PPARGC1A: variants seen among roughly 807,000 people sequenced by gnomAD.
The protein encoded by PPARGC1A is PPARG coactivator 1 alpha.
PPARGC1A carries 25 observed loss-of-function variants against 88.7 expected under a neutral mutation model. The ratio of observed to expected loss-of-function variants is 0.28; its 90% CI spans 0.21 to 0.39. The LOEUF (loss-of-function observed/expected upper bound fraction) is 0.39. Ranked by LOEUF, PPARGC1A falls within the 10% of genes least tolerant of loss-of-function variation. PPARGC1A has a pLI of 1.00. For missense variants in PPARGC1A, 880 were observed against 968.7 expected (o/e 0.91, Z 1.22); for synonymous variants, 363 against 355.6 (o/e 1.02, Z -0.24).
At chr4:23,971,879 C>G in the PPARGC1A span, among the ~76,000 whole-genome samples, 2 of 152,168 alleles carry the variant, frequency 1.3e-5, no homozygotes, top group Non-Finnish European at 2.9e-5. Context: ...ACCCCCAGAC[C>G]ATGTGTTTCA....
the PPARGC1A span, among the ~76,000 whole-genome samples, chr4:24,177,163 C>T: frequency 4.6e-5 from 7 of 152,170 alleles, no homozygotes; most frequent in African/African-American, 2.4e-5. Flanking sequence ...AAGACACATG[C>T]ACACATATGT....
chr4:24,332,309 C>T, the PPARGC1A span, among the ~76,000 whole-genome samples: 3 of 151,876 alleles, frequency 2.0e-5, no homozygotes, highest in Non-Finnish European at 4.4e-5. Context: ...GGTCGAGGAG[C>T]CTCTAGGATG....
rs1039173993 is a variant in PPARGC1A, at chr4:23,817,576, C to T, written c.878-2971G>A. On this transcript the variant is annotated intron_variant, in intron 7 of 12. Coordinates refer to ENST00000264867, the MANE Select transcript of PPARGC1A (RefSeq NM_013261.5). ...AAACACCCAGAGACCATCAAATATG[C>T]CCTGTGAGTAAAAATATAAGGGCTG... Among the ~76,000 whole-genome samples, 6 of 152,108 alleles carry T rather than the reference C, an allele frequency of 3.9e-5. No individual in the cohort carries two copies. The East Asian group carries it at 1.2e-3, about 30-fold the overall frequency.
the PPARGC1A span, among the ~76,000 whole-genome samples, chr4:23,961,467 T>C: frequency 6.6e-6 from 1 of 152,190 alleles, no homozygotes; most frequent in African/African-American, 2.4e-5. Flanking sequence ...TCGCCCCTGC[T>C]TCCCTGCACA....
the PPARGC1A span, among the ~76,000 whole-genome samples, chr4:24,321,551 A>G: frequency 6.6e-6 from 1 of 152,218 alleles, no homozygotes; most frequent in African/African-American, 2.4e-5. Flanking sequence ...TCTGACTTTA[A>G]TTTCTTCGCA....
At chr4:24,025,586 C>T in the PPARGC1A span, among the ~76,000 whole-genome samples, 3 of 152,042 alleles carry the variant, frequency 2.0e-5, no homozygotes, top group Non-Finnish European at 2.9e-5. Flanking sequence ...TTTAGAGCTG[C>T]CTGTCACCTC....
At chr4:24,317,806 C>T in the PPARGC1A span, among the ~76,000 whole-genome samples, 4 of 152,064 alleles carry the variant, frequency 2.6e-5, no homozygotes, top group Non-Finnish European at 4.4e-5. Flanking sequence ...TTCAAAGCAC[C>T]TACCAAGACG....
the PPARGC1A span, among the ~76,000 whole-genome samples, chr4:24,435,269 G>A: frequency 6.6e-6 from 1 of 152,096 alleles, no homozygotes; most frequent in African/African-American, 2.4e-5. Context: ...ATCACCGAGG[G>A]CCCAGCAAGA....
chr4:24,340,865 G>C, the PPARGC1A span, among the ~76,000 whole-genome samples: 1 of 152,008 alleles, frequency 6.6e-6, no homozygotes, highest in East Asian at 1.9e-4. Context: ...TCATCCACCC[G>C]CCACTCCCAC....
At chr4:23,948,126 C>T in the PPARGC1A span, among the ~76,000 whole-genome samples, 2 of 152,142 alleles carry the variant, frequency 1.3e-5, no homozygotes, top group African/African-American at 4.8e-5. Flanking sequence ...AATGACTGCT[C>T]TTCTTTTACT....
the PPARGC1A span, among the ~76,000 whole-genome samples, chr4:23,930,788 A>C: frequency 6.6e-6 from 1 of 152,220 alleles, no homozygotes; most frequent in Non-Finnish European, 1.5e-5. Flanking sequence ...CAGTGCACTC[A>C]GTGATGCCTT....
At chr4:24,212,282 G>A in the PPARGC1A span, among the ~76,000 whole-genome samples, 2 of 152,086 alleles carry the variant, frequency 1.3e-5, no homozygotes, top group African/African-American at 4.8e-5. Flanking sequence ...AACATTCTAG[G>A]TGCTGAAAGA....
At chr4:24,173,192 C>T in the PPARGC1A span, among the ~76,000 whole-genome samples, 2 of 152,156 alleles carry the variant, frequency 1.3e-5, no homozygotes, top group Admixed American at 1.3e-4. Context: ...GAAATTCTGA[C>T]ATTGTTGAAG....
the PPARGC1A span, among the ~76,000 whole-genome samples, chr4:24,252,037 C>A: frequency 6.6e-6 from 1 of 151,658 alleles, no homozygotes. Flanking sequence ...CTGTCTTTTC[C>A]CCCTGTTATT....
chr4:23,965,432 G>A, the PPARGC1A span, among the ~76,000 whole-genome samples: 1 of 152,176 alleles, frequency 6.6e-6, no homozygotes, highest in Non-Finnish European at 1.5e-5. Context: ...AGTCTTTAGT[G>A]AAAGCATAAT....
chr4:24,306,060 T>G, the PPARGC1A span, among the ~76,000 whole-genome samples: 3 of 152,028 alleles, frequency 2.0e-5, no homozygotes, highest in African/African-American at 7.2e-5. Flanking sequence ...TATCTATGAG[T>G]TACGAGAACA....
chr4:24,163,663 A>G, the PPARGC1A span, among the ~76,000 whole-genome samples: 3 of 152,248 alleles, frequency 2.0e-5, no homozygotes, highest in African/African-American at 7.2e-5. Flanking sequence ...ATGACGCTAT[A>G]GCAATACTGA....
chr4:23,956,868 T>A, the PPARGC1A span, among the ~76,000 whole-genome samples: 1 of 152,114 alleles, frequency 6.6e-6, no homozygotes, highest in Non-Finnish European at 1.5e-5. Context: ...AAAGTCTTGT[T>A]AACTTCCTAG....
chr4:23,930,811 C>CAA, the PPARGC1A span, among the ~76,000 whole-genome samples: 1 of 152,222 alleles, frequency 6.6e-6, no homozygotes, highest in East Asian at 1.9e-4. Context: ...ATAATTGTCA[C>CAA]ATGTCCCCTA....
Sources: allele counts gnomAD v4.1 joint callset (sites outside exome capture counted in the v4.1 genomes callset), GRCh38; gene constraint gnomAD v4.1.1; transcripts MANE v1.5; gene names NCBI Gene and HGNC (gene_info 2026-07-23, HGNC 2026-07-21).